The following RORA variants were observed in gnomAD, a reference collection of about 807,000 sequenced individuals.
RORA encodes RAR related orphan receptor A.
A neutral mutation model predicts 69.5 loss-of-function variants in RORA; 7 were observed. The ratio of observed to expected loss-of-function variants is 0.10; its 90% CI spans 0.06 to 0.19. The LOEUF (loss-of-function observed/expected upper bound fraction) is 0.19, where lower values mean the gene tolerates loss of function less well. Among genes scored for constraint, RORA ranks in the 10% least tolerant of loss-of-function variants. The pLI is 1.00. For missense variants in RORA, 457 were observed against 663.0 expected (o/e 0.69, Z 3.41); for synonymous variants, 261 against 240.8 (o/e 1.08, Z -0.78).
chr15:60,838,319 A>C (rs1416175044), intron 1 of RORA, among the ~76,000 whole-genome samples: 1 of 152,240 alleles, frequency 6.6e-6, no homozygotes, highest in African/African-American at 2.4e-5. Context: ...ATGACCACAT[A>C]GCACCAAACA....
rs552296237 is a variant in RORA at position 60,963,160 on chromosome 15, G to A, written c.166+265893C>T. ...GGCAGATATGACTATCCCCATTTAC[G>A]CTTCGAAGAAATTGAACTTTTCAGA... On this transcript the variant is annotated intron_variant, in intron 1 of 10. Coordinates refer to ENST00000335670, the MANE Select transcript of RORA (RefSeq NM_134261.3). 4.6e-5 allele frequency among the ~76,000 whole-genome samples: 7 copies of A among 152,288 alleles called. No individual in the cohort carries two copies. In the East Asian group the frequency reaches 7.7e-4, roughly 17 times the overall value.
At chr15:61,200,558 C>T (rs540678750) in intron 1 of RORA, among the ~76,000 whole-genome samples, 25 of 152,324 alleles carry the variant, frequency 1.6e-4, no homozygotes, top group Non-Finnish European at 3.1e-4. Flanking sequence ...TAAATACCTA[C>T]ATTTTAAAGG....
intron 1 of RORA, among the ~76,000 whole-genome samples, chr15:61,148,337 A>G (rs1400349127): frequency 6.6e-6 from 1 of 152,168 alleles, no homozygotes; most frequent in Non-Finnish European, 1.5e-5. Flanking sequence ...TCAGGTGCCT[A>G]AGGTACATCC....
intron 2 of RORA, among the ~76,000 whole-genome samples, chr15:60,611,562 A>AAAAAAAAAAAAAAAC: frequency 8.3e-6 from 1 of 120,146 alleles, no homozygotes; most frequent in Non-Finnish European, 1.7e-5. Context: ...AGTTTTGCAA[A>AAAAAAAAAAAAAAAC]AAAAAAAAAA....
intron 1 of RORA, among the ~76,000 whole-genome samples, chr15:60,680,332 A>G (rs1233830442): frequency 6.6e-6 from 1 of 152,202 alleles, no homozygotes; most frequent in African/African-American, 2.4e-5. Context: ...ACCTATCTAT[A>G]TTCGCTGAGT....
intron 1 of RORA, among the ~76,000 whole-genome samples, chr15:61,180,054 G>T (rs935969826): frequency 7.2e-6 from 1 of 138,408 alleles, no homozygotes; most frequent in African/African-American, 2.7e-5. Context: ...TGTGGCACGA[G>T]AATCACTTGA....
intron 1 of RORA, among the ~76,000 whole-genome samples, chr15:60,925,849 C>A (rs2140494467): frequency 6.6e-6 from 1 of 152,282 alleles, no homozygotes; most frequent in African/African-American, 2.4e-5. Context: ...TTTGAAGTAT[C>A]TGTTGAAGGA....
At chr15:61,060,697 T>C (rs953859976) in intron 1 of RORA, among the ~76,000 whole-genome samples, 2 of 152,130 alleles carry the variant, frequency 1.3e-5, no homozygotes, top group Admixed American at 1.3e-4. Flanking sequence ...TCACTCTTTC[T>C]AGTGAAAGGA....
chr15:60,525,898 G>A (rs1424911177), intron 3 of RORA, among the ~76,000 whole-genome samples: 6 of 152,146 alleles, frequency 3.9e-5, no homozygotes, highest in African/African-American at 1.2e-4. Context: ...CTCTGGATCA[G>A]TGTGGGCCAA....
intron 2 of RORA, among the ~76,000 whole-genome samples, chr15:60,664,138 C>T (rs1351308386): frequency 1.3e-5 from 2 of 152,198 alleles, no homozygotes; most frequent in Non-Finnish European, 2.9e-5. Flanking sequence ...ATGAGAACAT[C>T]TTCCTGTCTC....
intron 1 of RORA, among the ~76,000 whole-genome samples, chr15:60,989,773 G>A: frequency 6.6e-6 from 1 of 151,242 alleles, no homozygotes; most frequent in East Asian, 1.9e-4. Context: ...AACTTCTCTG[G>A]CTAAAAATTC....
At chr15:60,931,739 G>C (rs1486001483) in intron 1 of RORA, among the ~76,000 whole-genome samples, 1 of 152,210 alleles carries the variant, frequency 6.6e-6, no homozygotes, top group Non-Finnish European at 1.5e-5. Context: ...GAAGAGATGG[G>C]ACATGGTCTG....
chr15:60,822,183 T>A (rs2072901468), intron 1 of RORA, among the ~76,000 whole-genome samples: 1 of 152,218 alleles, frequency 6.6e-6, no homozygotes, highest in Non-Finnish European at 1.5e-5. Flanking sequence ...CTTCCACAAC[T>A]GAAATTGCCA....
chr15:61,146,334 C>G (rs1242007531), intron 1 of RORA, among the ~76,000 whole-genome samples: 1 of 152,106 alleles, frequency 6.6e-6, no homozygotes, highest in Non-Finnish European at 1.5e-5. Flanking sequence ...TAAATCCCTA[C>G]TAGTTGCTGT....
chr15:60,907,572 T>C (rs1350497534), intron 1 of RORA, among the ~76,000 whole-genome samples: 2 of 152,232 alleles, frequency 1.3e-5, no homozygotes, highest in African/African-American at 2.4e-5. Flanking sequence ...AGAGGCCATA[T>C]GTGGAAATTT....
chr15:60,597,512 TACACACACACAC>T (rs56774445), intron 2 of RORA, among the ~76,000 whole-genome samples: 13,134 of 43,776 alleles, frequency 0.3, 2,720 homozygotes, highest in African/African-American at 0.43. Flanking sequence ...GTACAGGAGA[TACACACACACAC>T]ACACACACAC....
intron 1 of RORA, among the ~76,000 whole-genome samples, chr15:60,880,331 C>T (rs7182392): frequency 0.46 from 69,877 of 152,100 alleles, 16,953 homozygotes; most frequent in Non-Finnish European, 0.54. Context: ...CCTACTGTCA[C>T]TTATGTAGGT....
chr15:60,660,387 G>A (rs953057242), intron 2 of RORA, among the ~76,000 whole-genome samples: 1 of 152,164 alleles, frequency 6.6e-6, no homozygotes, highest in African/African-American at 2.4e-5. Context: ...AAGATATTTT[G>A]CTAAATCTTA....
chr15:61,057,370 CT>C (rs2078110878), intron 1 of RORA, among the ~76,000 whole-genome samples: 1 of 152,204 alleles, frequency 6.6e-6, no homozygotes, highest in African/African-American at 2.4e-5. Context: ...AAACATTTGA[CT>C]TTTATGCCCC....
Sources: allele counts gnomAD v4.1 joint callset (sites outside exome capture counted in the v4.1 genomes callset), GRCh38; gene constraint gnomAD v4.1.1; transcripts MANE v1.5; gene names NCBI Gene and HGNC (gene_info 2026-07-23, HGNC 2026-07-21).